SPOCK3: variants seen among roughly 807,000 people sequenced by gnomAD.
SPOCK3 encodes the protein testican-3.
A neutral mutation model predicts 56.6 loss-of-function variants in SPOCK3; 30 were observed. The ratio of observed to expected loss-of-function variants is 0.53; its 90% CI spans 0.40 to 0.72. The LOEUF is 0.72. Among genes scored for constraint, SPOCK3 ranks in the 30% least tolerant of loss-of-function variants. The pLI, the probability that SPOCK3 is intolerant of heterozygous loss-of-function variation, is 0.00. For missense variants in SPOCK3, 527 were observed against 530.0 expected, an observed-to-expected ratio of 0.99 and a Z score of 0.06; for synonymous variants, 196 against 183.3, an observed-to-expected ratio of 1.07 and a Z score of -0.56.
intron 3 of SPOCK3, chr4:167,011,133 A>G: frequency 3.4e-6 from 1 of 294,220 alleles, no homozygotes; most frequent in South Asian, 3.1e-5. Context: ...TTGGACTTAT[A>G]AAAACCTCTT....
intron 4 of SPOCK3, among the ~76,000 whole-genome samples, chr4:166,984,332 C>T (rs901964065): frequency 2.6e-5 from 4 of 151,974 alleles, no homozygotes; most frequent in Admixed American, 1.3e-4. Context: ...TATAAAACAT[C>T]GAAAACAATA....
intron 3 of SPOCK3, among the ~76,000 whole-genome samples, chr4:167,057,541 C>T (rs1490099848): frequency 6.6e-6 from 1 of 151,824 alleles, no homozygotes; most frequent in Non-Finnish European, 1.5e-5. Flanking sequence ...TCAGGAAACC[C>T]ATCTCATGTG....
chr4:167,162,958 G>T (rs1041851821), intron 2 of SPOCK3, among the ~76,000 whole-genome samples: 1 of 151,648 alleles, frequency 6.6e-6, no homozygotes, highest in African/African-American at 2.4e-5. Flanking sequence ...TGGGTGGTTA[G>T]TTTTTTTATT....
At chr4:166,886,666 C>T in intron 6 of SPOCK3, among the ~76,000 whole-genome samples, 1 of 151,984 alleles carries the variant, frequency 6.6e-6, no homozygotes, top group East Asian at 1.9e-4. Context: ...TACTATGGTG[C>T]TAATTTGACC....
chr4:166,864,585 A>G (rs188561541), intron 6 of SPOCK3, among the ~76,000 whole-genome samples: 3 of 152,262 alleles, frequency 2.0e-5, no homozygotes, highest in Middle Eastern at 3.4e-3. Flanking sequence ...ACACAATAAA[A>G]ATGATAAAGG....
chr4:166,918,639 A>G (rs1738155575), intron 4 of SPOCK3, among the ~76,000 whole-genome samples: 1 of 145,572 alleles, frequency 6.9e-6, no homozygotes, highest in Non-Finnish European at 1.6e-5. Context: ...AATTCACAAA[A>G]AAACAATTTT....
chr4:166,792,008 T>C (rs1340513859), intron 7 of SPOCK3, among the ~76,000 whole-genome samples, 162 bp downstream of exon 7: 1 of 152,220 alleles, frequency 6.6e-6, no homozygotes, highest in Admixed American at 6.5e-5. Context: ...CTTATTTCCT[T>C]GCAAAATAAT....
chr4:167,010,715 T>C (rs1749955357), intron 3 of SPOCK3, among the ~76,000 whole-genome samples: 1 of 152,060 alleles, frequency 6.6e-6, no homozygotes, highest in South Asian at 2.1e-4. Flanking sequence ...CCAGAAGGAA[T>C]AGTGAATTGC....
intron 7 of SPOCK3, among the ~76,000 whole-genome samples, chr4:166,782,287 C>A (rs1250363934): frequency 6.6e-6 from 1 of 151,948 alleles, no homozygotes; most frequent in Admixed American, 6.6e-5. Context: ...TACAGTAACC[C>A]TAAATGTATA....
intron 3 of SPOCK3, among the ~76,000 whole-genome samples, chr4:167,054,281 G>T (rs1754549230): frequency 6.6e-6 from 1 of 152,292 alleles, no homozygotes; most frequent in South Asian, 2.1e-4. Flanking sequence ...AAACAAGGCA[G>T]ATTTAACACA....
intron 2 of SPOCK3, among the ~76,000 whole-genome samples, chr4:167,116,768 A>G (rs1761434811): frequency 7.2e-6 from 1 of 139,174 alleles, no homozygotes; most frequent in Non-Finnish European, 1.5e-5. Context: ...ATATACACAC[A>G]TATAGTATAT....
intron 4 of SPOCK3, among the ~76,000 whole-genome samples, chr4:166,987,918 G>C (rs1295568060): frequency 1.3e-5 from 2 of 152,106 alleles, no homozygotes; most frequent in African/African-American, 4.8e-5. Context: ...ATATGAATTA[G>C]AAGGAAACCA....
chr4:166,900,198 T>C (rs1229637590), intron 5 of SPOCK3, among the ~76,000 whole-genome samples: 2 of 152,202 alleles, frequency 1.3e-5, no homozygotes, highest in African/African-American at 4.8e-5. Context: ...ATCTGTGTCA[T>C]ATGTTTAGCT....
intron 5 of SPOCK3, among the ~76,000 whole-genome samples, chr4:166,910,143 T>A (rs1416281939): frequency 6.6e-6 from 1 of 152,150 alleles, no homozygotes; most frequent in African/African-American, 2.4e-5. Context: ...TAGCTCAGTC[T>A]CATTGCTGTC....
At chr4:166,941,454 C>G (rs1240897403) in intron 4 of SPOCK3, among the ~76,000 whole-genome samples, 1 of 152,162 alleles carries the variant, frequency 6.6e-6, no homozygotes, top group East Asian at 1.9e-4. Flanking sequence ...CAGCTACAGT[C>G]TGAAAGCTAA....
Position 166,987,090 on chromosome 4 carries a change from A to G in SPOCK3, c.350+13259T>C, listed in dbSNP as rs376363448. On this transcript the variant is annotated intron_variant, in intron 4 of 10. Transcript: ENST00000357545. ...AGCCCTGCCATGGTTTGCCAGTTACATTTATGATAAAATTCAAAACCTCCT... is the reference window on the plus strand; with the variant it reads ...AGCCCTGCCATGGTTTGCCAGTTACGTTTATGATAAAATTCAAAACCTCCT... Among the ~76,000 whole-genome samples, 35 of 152,274 alleles carry G rather than the reference A, an allele frequency of 2.3e-4. No homozygotes were observed. In the East Asian group the frequency reaches 3.9e-3, roughly 17 times the overall value.
Position 167,233,264 on chromosome 4 carries a change from A to G in SPOCK3, c.189+721T>C, listed in dbSNP as rs143640210. Among the ~76,000 whole-genome samples, 586 of 151,928 alleles carry G rather than the reference A, an allele frequency of 3.9e-3. 1 individual carries two copies. The highest frequency in any genetic ancestry group is 0.013 in the African/African-American group (559 of 41,410). ...GTGGAAACCTGGCTCCCTCTTAATA[A>G]CCCTTTTGAAAACTCCCCAGGGGAG... On this transcript the variant is annotated intron_variant, in intron 2 of 10. Transcript: ENST00000357545.
At chr4:167,062,565 T>C (rs966365287) in intron 2 of SPOCK3, 28 bp from the exon 3 acceptor site, 14 of 1,553,046 alleles carry the variant, frequency 9.0e-6, no homozygotes, top group Non-Finnish European at 1.1e-5. Context: ...GTGAATTGAG[T>C]GTATACAAGT....
intron 5 of SPOCK3, among the ~76,000 whole-genome samples, chr4:166,904,323 GTCAT>G (rs1371034637): frequency 1.3e-5 from 2 of 152,052 alleles, no homozygotes; most frequent in East Asian, 3.9e-4. Flanking sequence ...GCTTAATTGA[GTCAT>G]TCATTAATAC....
Sources: gnomAD v4.1 joint callset for allele counts (sites outside exome capture counted in the v4.1 genomes callset) on GRCh38, gnomAD v4.1.1 for gene constraint, MANE v1.5 for transcripts, NCBI Gene and HGNC (gene_info 2026-07-23, HGNC 2026-07-21) for gene names.